Variants in PCCA observed in about 807,000 individuals in gnomAD.
PCCA encodes the protein propionyl-CoA carboxylase alpha chain, mitochondrial.
Under a neutral mutation model 101.3 loss-of-function variants are expected in PCCA, and 74 were observed. The ratio of observed to expected loss-of-function variants is 0.73; its 90% CI spans 0.61 to 0.89. PCCA has a LOEUF of 0.89. Ranked by LOEUF, PCCA falls within the 40% of genes least tolerant of loss-of-function variation. The pLI, the probability that PCCA is intolerant of heterozygous loss-of-function variation, is 0.00. For synonymous variants in PCCA, 294 were observed against 313.6 expected (o/e 0.94, Z 0.66); for missense variants, 891 against 907.0 (o/e 0.98, Z 0.23).
At chr13:100,520,538 G>C (rs1353197095) in intron 22 of PCCA, among the ~76,000 whole-genome samples, 1 of 151,378 alleles carries the variant, frequency 6.6e-6, no homozygotes, top group Non-Finnish European at 1.5e-5. Context: ...GGGAGGCTGA[G>C]GCAGGAGAAT....
chr13:100,406,032 T>A (rs2077658023), intron 19 of PCCA, among the ~76,000 whole-genome samples: 1 of 152,072 alleles, frequency 6.6e-6, no homozygotes, highest in Non-Finnish European at 1.5e-5. Flanking sequence ...CCCAAAGTGC[T>A]GGGATTACAG....
intron 21 of PCCA, among the ~76,000 whole-genome samples, chr13:100,458,912 A>G (rs896702997): frequency 2.6e-5 from 4 of 152,174 alleles, no homozygotes; most frequent in African/African-American, 9.6e-5. Context: ...GATTAGCACA[A>G]ACCGGGTGGC....
At chr13:100,185,528 G>A (rs1258168614) in intron 6 of PCCA, among the ~76,000 whole-genome samples, 1 of 151,810 alleles carries the variant, frequency 6.6e-6, no homozygotes, top group Non-Finnish European at 1.5e-5. Context: ...TTTATGTTTT[G>A]CAGAGACAAG....
At chr13:100,375,125 C>T (rs1567028419) in intron 19 of PCCA, among the ~76,000 whole-genome samples, 1 of 152,110 alleles carries the variant, frequency 6.6e-6, no homozygotes, top group Non-Finnish European at 1.5e-5. Flanking sequence ...TTGTTATTTA[C>T]CCAGTAGTCA....
At chr13:100,107,046 C>A (rs1182948851) in intron 2 of PCCA, among the ~76,000 whole-genome samples, 7 of 152,154 alleles carry the variant, frequency 4.6e-5, no homozygotes, top group African/African-American at 7.2e-5. Flanking sequence ...TAAATACTGA[C>A]CTGGTTTGTT....
chr13:100,193,664 A>G (rs1349650272), intron 6 of PCCA, among the ~76,000 whole-genome samples: 1 of 152,198 alleles, frequency 6.6e-6, no homozygotes, highest in East Asian at 1.9e-4. Flanking sequence ...CATCTACTAC[A>G]TCTTATTGTC....
At chr13:100,471,274 C>A (rs937685839) in intron 21 of PCCA, among the ~76,000 whole-genome samples, 3 of 152,166 alleles carry the variant, frequency 2.0e-5, no homozygotes, top group Non-Finnish European at 4.4e-5. Flanking sequence ...CGTACATGGG[C>A]ACAGTTTGTG....
At chr13:100,252,412 C>A (rs1386815624) in intron 8 of PCCA, among the ~76,000 whole-genome samples, 1 of 152,134 alleles carries the variant, frequency 6.6e-6, no homozygotes, top group Admixed American at 6.5e-5. Flanking sequence ...CTAAGAAATA[C>A]TTTTCTTTTC....
At chr13:100,439,212 T>G (rs1220742776) in intron 20 of PCCA, among the ~76,000 whole-genome samples, 2 of 152,218 alleles carry the variant, frequency 1.3e-5, no homozygotes, top group African/African-American at 2.4e-5. Flanking sequence ...TATTCCCCCT[T>G]AATGTCAACC....
intron 4 of PCCA, among the ~76,000 whole-genome samples, chr13:100,142,598 C>G (rs938266086): frequency 2.6e-5 from 4 of 151,866 alleles, no homozygotes; most frequent in African/African-American, 9.7e-5. Flanking sequence ...CTCAGCCTCC[C>G]GAGTAGTTAG....
intron 21 of PCCA, among the ~76,000 whole-genome samples, chr13:100,493,972 C>T (rs1172681172): frequency 7.2e-5 from 11 of 152,140 alleles, no homozygotes; most frequent in African/African-American, 1.9e-4. Context: ...GGGCAGATTA[C>T]GAGGTCAGGA....
At chr13:100,467,464 C>T (rs1198208348) in intron 21 of PCCA, among the ~76,000 whole-genome samples, 4 of 152,122 alleles carry the variant, frequency 2.6e-5, no homozygotes, top group East Asian at 1.9e-4. Context: ...CTCTGCCTCC[C>T]GGGTTCAAGC....
intron 19 of PCCA, among the ~76,000 whole-genome samples, chr13:100,416,724 C>G (rs988269303): frequency 1.3e-5 from 2 of 151,992 alleles, no homozygotes; most frequent in African/African-American, 2.4e-5. Context: ...GGGGTTTCAC[C>G]ATCTTGGCCA....
chr13:100,340,295 G>C (rs1373081111), intron 18 of PCCA, 36 bp downstream of exon 18: 2 of 1,017,948 alleles, frequency 2.0e-6, no homozygotes, highest in Admixed American at 3.4e-5. Context: ...TAAATGAGCA[G>C]AACAATATTG....
At chr13:100,181,205 TG>T (rs1294393513) in intron 6 of PCCA, among the ~76,000 whole-genome samples, 10 of 152,188 alleles carry the variant, frequency 6.6e-5, no homozygotes, top group Non-Finnish European at 1.5e-5. Flanking sequence ...GAAGAATTTC[TG>T]TCTAAAAGTG....
chr13:100,226,475 C>T (rs958281389), intron 7 of PCCA, among the ~76,000 whole-genome samples: 14 of 152,090 alleles, frequency 9.2e-5, no homozygotes, highest in African/African-American at 3.1e-4. Flanking sequence ...GGCGTTGACA[C>T]TAATACCACT....
At chr13:100,508,927 C>T (rs904477532) in intron 21 of PCCA, among the ~76,000 whole-genome samples, 5 of 151,904 alleles carry the variant, frequency 3.3e-5, no homozygotes, top group Non-Finnish European at 7.4e-5. Context: ...TAACCTAAAC[C>T]GTAAACGCTT....
chr13:100,478,962 C>G (rs2083653754), intron 21 of PCCA, among the ~76,000 whole-genome samples: 1 of 152,150 alleles, frequency 6.6e-6, no homozygotes, highest in South Asian at 2.1e-4. Flanking sequence ...CACAATTTGA[C>G]TCTGCATGCA....
intron 16 of PCCA, among the ~76,000 whole-genome samples, chr13:100,327,989 C>T (rs903417793): frequency 2.6e-5 from 4 of 152,048 alleles, no homozygotes; most frequent in Non-Finnish European, 5.9e-5. Flanking sequence ...TTTGGGAGGC[C>T]AAGGTGGGTG....
Sources: allele counts gnomAD v4.1 joint callset (sites outside exome capture counted in the v4.1 genomes callset), GRCh38; gene constraint gnomAD v4.1.1; transcripts MANE v1.5; gene names NCBI Gene and HGNC (gene_info 2026-07-23, HGNC 2026-07-21).